Variants in ATXN1 observed in about 807,000 individuals in gnomAD.
ATXN1 encodes the protein ataxin-1.
A neutral mutation model predicts 56.4 loss-of-function variants in ATXN1; 8 were observed. That is an observed-to-expected ratio of 0.14 (90% CI 0.08 to 0.26). The LOEUF (loss-of-function observed/expected upper bound fraction) is 0.26. Among genes scored for constraint, ATXN1 ranks in the 10% least tolerant of loss-of-function variants. The pLI, the probability that ATXN1 is intolerant of heterozygous loss-of-function variation, is 1.00. For missense variants in ATXN1, 987 were observed against 1,106.5 expected (o/e 0.89, Z 1.53); for synonymous variants, 514 against 494.6 (o/e 1.04, Z -0.52).
In ATXN1 at chr6:16,299,669, A is replaced by G. The variant is rs1415567566; in HGVS notation, c.*6660T>C. The G allele has an allele frequency of 1.3e-5, 2 of 152,624 alleles. No individual in the cohort carries two copies. The highest frequency in any genetic ancestry group is 2.9e-5 in the Non-Finnish European group (2 of 68,038). The allele number at this position is 152,624 out of a possible 1,614,324, so 9.5% of individuals were successfully genotyped here. ...TGATATTAAAACATCCAGTAGTACG[A>G]GTCTCAGAGATGGCTCTGGAGCCAG... On this transcript the variant is annotated 3_prime_UTR_variant, in exon 8 of 8. Coordinates refer to ENST00000436367, the MANE Select transcript of ATXN1 (RefSeq NM_001128164.2).
intron 2 of ATXN1, among the ~76,000 whole-genome samples, chr6:16,700,899 A>T (rs1759269390): frequency 6.6e-6 from 1 of 152,148 alleles, no homozygotes; most frequent in Admixed American, 6.5e-5. Flanking sequence ...AAAACCCAAC[A>T]TGGGACAATT....
At chr6:16,611,062 A>T (rs1160899360) in intron 3 of ATXN1, among the ~76,000 whole-genome samples, 1 of 152,142 alleles carries the variant, frequency 6.6e-6, no homozygotes, top group Non-Finnish European at 1.5e-5. Context: ...TAAGGAGAGC[A>T]TATAACAAAC....
intron 6 of ATXN1, among the ~76,000 whole-genome samples, chr6:16,468,911 G>T (rs148015664): frequency 1.4e-3 from 211 of 151,336 alleles, no homozygotes; most frequent in African/African-American, 4.7e-3. Flanking sequence ...AAAAAAAAAA[G>T]GTAGGACTGT....
intron 6 of ATXN1, among the ~76,000 whole-genome samples, chr6:16,426,975 G>A (rs1416288444): frequency 6.6e-6 from 1 of 151,644 alleles, no homozygotes; most frequent in Non-Finnish European, 1.5e-5. Context: ...CTTCAATGCC[G>A]CTCACCTAAA....
intron 6 of ATXN1, among the ~76,000 whole-genome samples, chr6:16,353,767 A>G (rs1761622228): frequency 6.6e-6 from 1 of 152,234 alleles, no homozygotes; most frequent in Admixed American, 6.5e-5. Flanking sequence ...AGAATAAATA[A>G]ATAAAAACTG....
At chr6:16,544,063 G>A (rs1311442319) in intron 4 of ATXN1, among the ~76,000 whole-genome samples, 1 of 152,164 alleles carries the variant, frequency 6.6e-6, no homozygotes, top group Non-Finnish European at 1.5e-5. Flanking sequence ...GTGCCATCCT[G>A]AGCAAGTCAT....
Position 16,301,824 on chromosome 6 carries a change from C to T in ATXN1, c.*4505G>A, listed in dbSNP as rs1268824826. 1 of 152,682 alleles carries T rather than the reference C, an allele frequency of 6.5e-6. No homozygotes were observed. The highest frequency in any genetic ancestry group is 2.4e-5 in the African/African-American group (1 of 41,446). The allele number at this position is 152,682 out of a possible 1,614,324, so 9.5% of individuals were successfully genotyped here. A position where few individuals can be genotyped will look rare whatever the true frequency, so the allele number is the denominator to read the frequency against. On this transcript the variant is annotated 3_prime_UTR_variant, in exon 8 of 8. Coordinates refer to ENST00000436367, the MANE Select transcript of ATXN1 (RefSeq NM_001128164.2). ...GTACCGAGAGCTCTGCTTCCTCACC[C>T]ATATCTGAAATAGCACGGTATTAGT...
intron 6 of ATXN1, among the ~76,000 whole-genome samples, chr6:16,333,106 C>T (rs948954759): frequency 2.0e-5 from 3 of 152,308 alleles, no homozygotes; most frequent in East Asian, 1.9e-4. Context: ...GATGGAGCCT[C>T]GGAGATAAAC....
intron 4 of ATXN1, among the ~76,000 whole-genome samples, chr6:16,530,846 G>A (rs1761489870): frequency 6.6e-6 from 1 of 152,170 alleles, no homozygotes; most frequent in Admixed American, 6.5e-5. Context: ...GGGTGGGTAT[G>A]CGTGTGTGTG....
intron 3 of ATXN1, among the ~76,000 whole-genome samples, chr6:16,625,952 G>A (rs1763399449): frequency 6.6e-6 from 1 of 152,168 alleles, no homozygotes; most frequent in Non-Finnish European, 1.5e-5. Context: ...TGGAAGATGT[G>A]AATTAAAACG....
Position 16,303,155 on chromosome 6 carries a change from CT to C in ATXN1, c.*3173del, listed in dbSNP as rs1760154227. 6.5e-6 allele frequency: 1 copy of C among 152,922 alleles called. No homozygotes were observed. The highest frequency in any genetic ancestry group is 6.5e-5 in the Admixed American group (1 of 15,292). The allele number at this position is 152,922 out of a possible 1,614,324, so 9.5% of individuals were successfully genotyped here. On this transcript the variant is annotated 3_prime_UTR_variant, in exon 8 of 8. Transcript: ENST00000436367. The surrounding 1 kb of genome is among the most constrained non-coding windows in gnomAD (Gnocchi z 4.3). The stretch of plus-strand genomic sequence containing the variant: ...AAGGACACAGACCCCGAGGAGGGGC[CT>C]GCCCACTTGCAGAAAAGACCGTGGA...
intron 6 of ATXN1, among the ~76,000 whole-genome samples, chr6:16,407,527 CACA>C (rs1758709573): frequency 6.6e-6 from 1 of 152,182 alleles, no homozygotes; most frequent in South Asian, 2.1e-4. Context: ...TGGTTTTACT[CACA>C]ACATCTGGTT....
intron 3 of ATXN1, among the ~76,000 whole-genome samples, chr6:16,597,867 G>C (rs919471967): frequency 6.6e-6 from 1 of 152,000 alleles, no homozygotes; most frequent in Non-Finnish European, 1.5e-5. Flanking sequence ...CTCTGGCCAG[G>C]GACAGCAAAG....
intron 5 of ATXN1, among the ~76,000 whole-genome samples, chr6:16,509,493 C>T (rs1054101087): frequency 2.6e-5 from 4 of 152,222 alleles, no homozygotes; most frequent in Non-Finnish European, 4.4e-5. Context: ...CTCATTCTGA[C>T]TGTCCTATTT....
chr6:16,484,282 A>C (rs112106634), intron 6 of ATXN1, among the ~76,000 whole-genome samples: 16 of 152,038 alleles, frequency 1.1e-4, no homozygotes, highest in African/African-American at 3.6e-4. Context: ...AAAATACAAA[A>C]AATTAGCCAG....
At chr6:16,583,502 T>G (rs1762564748) in intron 4 of ATXN1, among the ~76,000 whole-genome samples, 1 of 152,226 alleles carries the variant, frequency 6.6e-6, no homozygotes, top group Non-Finnish European at 1.5e-5. Flanking sequence ...ACCTTCTCTT[T>G]CATTTATTTA....
intron 2 of ATXN1, among the ~76,000 whole-genome samples, chr6:16,734,837 T>G (rs1316360753): frequency 4.6e-5 from 7 of 152,280 alleles, no homozygotes; most frequent in African/African-American, 1.7e-4. Context: ...TGGTTCCTTC[T>G]GAGGTGGGAA....
chr6:16,395,611 C>T (rs907412052), intron 6 of ATXN1, among the ~76,000 whole-genome samples: 2 of 152,152 alleles, frequency 1.3e-5, no homozygotes, highest in Non-Finnish European at 2.9e-5. Context: ...CATGCAATTA[C>T]GCACAGTACA....
intron 6 of ATXN1, among the ~76,000 whole-genome samples, chr6:16,454,125 CAAA>C (rs56277549): frequency 1.6e-3 from 125 of 76,594 alleles, no homozygotes; most frequent in African/African-American, 8.9e-3. Flanking sequence ...GACTCTGTCT[CAAA>C]AAAAAAAAAA....
Sources: allele counts gnomAD v4.1 joint callset (sites outside exome capture counted in the v4.1 genomes callset), GRCh38; gene constraint gnomAD v4.1.1; non-coding constraint Gnocchi (gnomAD v3.1); transcripts MANE v1.5; gene names NCBI Gene and HGNC (gene_info 2026-07-23, HGNC 2026-07-21).